CA10: variants seen among roughly 807,000 people sequenced by gnomAD.
CA10 encodes carbonic anhydrase 10 (inactive), also known as carbonic anhydrase-related protein 10.
CA10 carries 14 observed loss-of-function variants against 44.2 expected under a neutral mutation model. The observed-to-expected ratio is 0.32, with a 90% CI of 0.21 to 0.50. CA10 has a LOEUF of 0.50. CA10 is among the 20% of genes least tolerant of loss of function. The probability of loss-of-function intolerance (pLI) is 0.99; values close to 1 mark genes in which losing one functional copy is unlikely to be tolerated. For missense variants in CA10, 350 were observed against 409.7 expected, an observed-to-expected ratio of 0.85 and a Z score of 1.26; for synonymous variants, 159 against 141.6, an observed-to-expected ratio of 1.12 and a Z score of -0.87.
chr17:52,084,880 G>A (rs754945000), intron 1 of CA10, among the ~76,000 whole-genome samples: 10 of 152,172 alleles, frequency 6.6e-5, no homozygotes, highest in Non-Finnish European at 1.5e-4. Context: ...TGAGATGTTA[G>A]AAAATGTATA....
rs1381465213 is a variant in CA10, at chr17:52,156,954, C to A, written c.61+772G>T. On this transcript the variant is annotated intron_variant, in intron 1 of 8. Coordinates refer to ENST00000451037, the MANE Select transcript of CA10 (RefSeq NM_020178.5). ...CAAAGACAGTGCTCAAAAACCAGAA[C>A]TCGTCCTAACACACTCAGGCACAGG... 2.6e-5 allele frequency among the ~76,000 whole-genome samples: 4 copies of A among 152,176 alleles called. No homozygotes were observed. In the South Asian group the frequency reaches 6.2e-4, roughly 24 times the overall value.
intron 3 of CA10, among the ~76,000 whole-genome samples, chr17:51,857,380 C>T (rs187877172): frequency 4.6e-5 from 7 of 152,300 alleles, no homozygotes; most frequent in Middle Eastern, 6.8e-3. Flanking sequence ...CTGCAGTATA[C>T]GCCTACCACC....
chr17:51,991,971 T>C (rs1484903720), intron 2 of CA10, among the ~76,000 whole-genome samples: 2 of 152,120 alleles, frequency 1.3e-5, no homozygotes, highest in African/African-American at 2.4e-5. Context: ...AATTGGGCAC[T>C]GTTCCTTTGT....
chr17:51,888,847 A>G (rs904029049), intron 3 of CA10, among the ~76,000 whole-genome samples: 1 of 152,198 alleles, frequency 6.6e-6, no homozygotes, highest in South Asian at 2.1e-4. Flanking sequence ...GTTATTTATT[A>G]TTATAACTCA....
At chr17:51,721,555 G>A (rs563453638) in intron 4 of CA10, among the ~76,000 whole-genome samples, 22 of 151,724 alleles carry the variant, frequency 1.5e-4, no homozygotes, top group African/African-American at 4.8e-4. Context: ...GGCTATTCTC[G>A]AACTCCTGAG....
chr17:51,886,017 C>T (rs1980583387), intron 3 of CA10, among the ~76,000 whole-genome samples: 1 of 152,196 alleles, frequency 6.6e-6, no homozygotes, highest in Admixed American at 6.5e-5. Context: ...AGGCCTTAGT[C>T]ATGGTCAGAG....
At chr17:51,888,360 A>G (rs576694212) in intron 3 of CA10, among the ~76,000 whole-genome samples, 155 of 152,346 alleles carry the variant, frequency 1.0e-3, no homozygotes, top group African/African-American at 3.4e-3. Flanking sequence ...TTACATTAAA[A>G]TCTTTAAGCG....
chr17:51,743,709 T>C (rs1904555225), intron 4 of CA10, among the ~76,000 whole-genome samples: 1 of 152,162 alleles, frequency 6.6e-6, no homozygotes, highest in Non-Finnish European at 1.5e-5. Flanking sequence ...CGATCAGCAG[T>C]GATAGATAGG....
intron 2 of CA10, among the ~76,000 whole-genome samples, chr17:51,972,223 G>T (rs562128832): frequency 3.7e-4 from 57 of 152,156 alleles, no homozygotes; most frequent in African/African-American, 1.3e-3. Flanking sequence ...TCATGGAAAG[G>T]TTCAGACTGA....
intron 3 of CA10, among the ~76,000 whole-genome samples, chr17:51,811,247 T>C (rs1907353509): frequency 6.6e-6 from 1 of 151,766 alleles, no homozygotes; most frequent in South Asian, 2.1e-4. Context: ...TCATCCACAC[T>C]ATAAAAATGA....
At chr17:51,660,273 G>A (rs188002960) in intron 4 of CA10, among the ~76,000 whole-genome samples, 3 of 152,262 alleles carry the variant, frequency 2.0e-5, no homozygotes, top group Non-Finnish European at 4.4e-5. Context: ...TAAGGGTAAC[G>A]AAGAATTTCA....
chr17:51,719,350 G>A (rs1373293008), intron 4 of CA10, among the ~76,000 whole-genome samples: 4 of 152,196 alleles, frequency 2.6e-5, no homozygotes, highest in African/African-American at 4.8e-5. Context: ...GGTGACACCT[G>A]AGGTTCGCTT....
intron 3 of CA10, among the ~76,000 whole-genome samples, chr17:51,842,210 G>T (rs1329306479): frequency 6.6e-6 from 1 of 152,128 alleles, no homozygotes; most frequent in East Asian, 1.9e-4. Flanking sequence ...AGCCAACAGG[G>T]TCAGCTACAG....
chr17:51,828,103 T>C (rs1291989645), intron 3 of CA10, among the ~76,000 whole-genome samples: 1 of 152,212 alleles, frequency 6.6e-6, no homozygotes, highest in Non-Finnish European at 1.5e-5. Flanking sequence ...ATTTCTACTG[T>C]ACAAAGTCAC....
chr17:51,730,217 G>C (rs1375895144), intron 4 of CA10, among the ~76,000 whole-genome samples: 1 of 152,326 alleles, frequency 6.6e-6, no homozygotes, highest in East Asian at 1.9e-4. Context: ...ATTGAACCTA[G>C]AGATTGGCAA....
intron 4 of CA10, among the ~76,000 whole-genome samples, chr17:51,717,799 G>A (rs61046422): frequency 8.5e-4 from 23 of 26,966 alleles, no homozygotes; most frequent in African/African-American, 2.8e-3. Context: ...ATGTATATGT[G>A]TATATATATA....
intron 2 of CA10, among the ~76,000 whole-genome samples, chr17:52,058,992 G>A (rs137936307): frequency 2.0e-5 from 3 of 152,208 alleles, no homozygotes; most frequent in Non-Finnish European, 2.9e-5. Context: ...TACACACTAT[G>A]CATCCCCATT....
chr17:51,811,263 C>G (rs1158579615), intron 3 of CA10, among the ~76,000 whole-genome samples: 1 of 151,214 alleles, frequency 6.6e-6, no homozygotes, highest in Non-Finnish European at 1.5e-5. Context: ...AATGACCAAA[C>G]AGTCCCCTTT....
In CA10 at chr17:51,852,344, T is replaced by C. The variant is rs551944354; in HGVS notation, c.279+78646A>G. ...TATAATGATAAGTGGAGGTGATCAA[T>C]TGCCAGAGAAACTGCAGACAAAAAA... On this transcript the variant is annotated intron_variant, in intron 3 of 8. Coordinates refer to ENST00000451037, the MANE Select transcript of CA10 (RefSeq NM_020178.5). Among the ~76,000 whole-genome samples, 8 of 152,274 alleles carry C rather than the reference T, an allele frequency of 5.3e-5. No individual in the cohort carries two copies. The South Asian group carries it at 6.2e-4, about 12-fold the overall frequency.
Sources: gnomAD v4.1 joint callset for allele counts (sites outside exome capture counted in the v4.1 genomes callset) on GRCh38, gnomAD v4.1.1 for gene constraint, MANE v1.5 for transcripts, NCBI Gene and HGNC (gene_info 2026-07-23, HGNC 2026-07-21) for gene names.